The following INPP4B variants were observed in gnomAD, a reference collection of about 807,000 sequenced individuals.
The protein encoded by INPP4B is inositol polyphosphate-4-phosphatase type II B, also known as inositol polyphosphate 4-phosphatase type II.
A neutral mutation model predicts 122.5 loss-of-function variants in INPP4B; 55 were observed. The observed-to-expected ratio is 0.45, with a 90% CI of 0.36 to 0.56. The LOEUF (loss-of-function observed/expected upper bound fraction) is 0.56. INPP4B is among the 20% of genes least tolerant of loss of function. The pLI, the probability that INPP4B is intolerant of heterozygous loss-of-function variation, is 0.00. For missense variants in INPP4B, 1,000 were observed against 1,097.7 expected, an observed-to-expected ratio of 0.91 and a Z score of 1.26; for synonymous variants, 403 against 388.7, an observed-to-expected ratio of 1.04 and a Z score of -0.43.
intron 7 of INPP4B, among the ~76,000 whole-genome samples, chr4:142,345,028 TGCACCATAA>T (rs1161319825): frequency 1.1e-4 from 16 of 151,792 alleles, no homozygotes; most frequent in South Asian, 2.1e-4. Context: ...TGGGTAGAAG[TGCACCATAA>T]GCACTTCTCA....
intron 7 of INPP4B, among the ~76,000 whole-genome samples, chr4:142,326,659 T>A (rs569419304): frequency 6.6e-6 from 1 of 152,312 alleles, no homozygotes; most frequent in African/African-American, 2.4e-5. Flanking sequence ...CGATCCATTA[T>A]CCTCAGCATT....
intron 5 of INPP4B, among the ~76,000 whole-genome samples, chr4:142,406,084 A>G (rs1430671915): frequency 6.6e-6 from 1 of 152,182 alleles, no homozygotes; most frequent in East Asian, 1.9e-4. Context: ...CCAGAAAAAT[A>G]TTCCTTTTAA....
chr4:142,705,455 C>G (rs867029663), intron 2 of INPP4B, among the ~76,000 whole-genome samples: 68 of 93,084 alleles, frequency 7.3e-4, no homozygotes, highest in African/African-American at 3.1e-3. Context: ...CATTCCCACC[C>G]CAAACACACA....
intron 7 of INPP4B, among the ~76,000 whole-genome samples, chr4:142,389,722 T>G (rs960001953): frequency 1.3e-5 from 2 of 152,208 alleles, no homozygotes; most frequent in Non-Finnish European, 2.9e-5. Flanking sequence ...AAATAACTTA[T>G]GAGATTTTTT....
intron 2 of INPP4B, among the ~76,000 whole-genome samples, chr4:142,648,818 G>C (rs1444469458): frequency 1.3e-5 from 2 of 152,246 alleles, no homozygotes; most frequent in Non-Finnish European, 2.9e-5. Context: ...CAACGTCCCT[G>C]TCTGACAGCT....
chr4:142,840,614 T>C (rs1783361528), intron 1 of INPP4B, among the ~76,000 whole-genome samples: 1 of 152,142 alleles, frequency 6.6e-6, no homozygotes, highest in Non-Finnish European at 1.5e-5. Context: ...TGACTTTAAC[T>C]TTATTAACTC....
At chr4:142,459,883 G>A (rs898840279) in intron 3 of INPP4B, among the ~76,000 whole-genome samples, 5 of 152,092 alleles carry the variant, frequency 3.3e-5, no homozygotes, top group Non-Finnish European at 7.4e-5. Context: ...GTTTAAATCT[G>A]GATAGCAGAA....
rs116125905 is a variant in INPP4B, at chr4:142,640,421, T to C, written c.-191+85418A>G. ...TTGAATTATGAGGAAGTTGACACTG[T>C]AGAGCTGTAGGGTAATGATTATTTT... On this transcript the variant is annotated intron_variant, in intron 2 of 25. Transcript: ENST00000262992. 8.0e-3 allele frequency among the ~76,000 whole-genome samples: 1,216 copies of C among 152,242 alleles called. 12 individuals carry two copies. Among genetic ancestry groups the C allele is most frequent in the African/African-American group, 0.026 (1,070 of 41,556 alleles).
intron 2 of INPP4B, among the ~76,000 whole-genome samples, chr4:142,645,724 G>A (rs890832005): frequency 6.6e-6 from 1 of 152,148 alleles, no homozygotes; most frequent in Admixed American, 6.5e-5. Flanking sequence ...TTGAATTCTT[G>A]TTCACACTGT....
At chr4:142,047,480 C>T (rs1752186404) in intron 25 of INPP4B, among the ~76,000 whole-genome samples, 1 of 152,066 alleles carries the variant, frequency 6.6e-6, no homozygotes, top group Middle Eastern at 3.4e-3. Context: ...TTAGAAGGCA[C>T]CCTTAGAGAT....
intron 2 of INPP4B, among the ~76,000 whole-genome samples, chr4:142,553,216 T>C (rs929747698): frequency 2.0e-5 from 3 of 152,182 alleles, no homozygotes; most frequent in Non-Finnish European, 4.4e-5. Context: ...CCTCACCCTG[T>C]AGTTTCTTCC....
chr4:142,218,328 C>T (rs1848134409), intron 12 of INPP4B, among the ~76,000 whole-genome samples: 1 of 152,116 alleles, frequency 6.6e-6, no homozygotes, highest in South Asian at 2.1e-4. Context: ...GGGACATGCA[C>T]AAGAAATCTC....
rs181973842 is a variant in INPP4B at position 142,292,702 on chromosome 4, T to C, written c.503+12756A>G. 3.3e-5 allele frequency among the ~76,000 whole-genome samples: 5 copies of C among 152,334 alleles called. No individual in the cohort carries two copies. The East Asian group carries it at 9.6e-4, about 29-fold the overall frequency. On this transcript the variant is annotated intron_variant, in intron 9 of 25. Coordinates refer to ENST00000262992, the MANE Select transcript of INPP4B (RefSeq NM_001101669.3). ...GAGGATTAGACCATGTTTATTATGA[T>C]ACCTTAAATTTGTTTTTATCAATCA...
chr4:142,277,475 G>A (rs1176140485), intron 9 of INPP4B, among the ~76,000 whole-genome samples: 1 of 151,844 alleles, frequency 6.6e-6, no homozygotes, highest in Non-Finnish European at 1.5e-5. Flanking sequence ...ATGGAAAACA[G>A]TGTAGAAAGA....
At chr4:142,403,180 G>A in intron 6 of INPP4B, 126 bp from the exon 7 acceptor site, 1 of 673,454 alleles carries the variant, frequency 1.5e-6, no homozygotes, top group Non-Finnish European at 2.7e-6. Flanking sequence ...AGTTCTATTA[G>A]AAGAGATCTG....
chr4:142,307,303 A>T (rs1306845748), intron 8 of INPP4B, among the ~76,000 whole-genome samples: 1 of 152,052 alleles, frequency 6.6e-6, no homozygotes, highest in Non-Finnish European at 1.5e-5. Flanking sequence ...TCCCACATAC[A>T]CACTCCTCTA....
intron 2 of INPP4B, among the ~76,000 whole-genome samples, chr4:142,718,295 T>C (rs1257284814): frequency 1.3e-5 from 2 of 152,186 alleles, no homozygotes; most frequent in African/African-American, 2.4e-5. Flanking sequence ...CTGATACATA[T>C]AGAAATGGAA....
chr4:142,753,025 C>T (rs1769963946), intron 1 of INPP4B, among the ~76,000 whole-genome samples: 1 of 152,078 alleles, frequency 6.6e-6, no homozygotes, highest in African/African-American at 2.4e-5. Context: ...GCAGAAACAG[C>T]TCTGTGCAGA....
At chr4:142,567,898 C>T (rs965246504) in intron 2 of INPP4B, among the ~76,000 whole-genome samples, 2 of 152,146 alleles carry the variant, frequency 1.3e-5, no homozygotes, top group African/African-American at 4.8e-5. Context: ...ACTCTAGCTG[C>T]TTGCAATTAA....
Sources: gnomAD v4.1 joint callset for allele counts (sites outside exome capture counted in the v4.1 genomes callset) on GRCh38, gnomAD v4.1.1 for gene constraint, MANE v1.5 for transcripts, NCBI Gene and HGNC (gene_info 2026-07-23, HGNC 2026-07-21) for gene names.